Variants in RTTN observed in about 807,000 individuals in gnomAD.
The protein encoded by RTTN is rotatin.
Under a neutral mutation model 269.2 loss-of-function variants are expected in RTTN, and 182 were observed. The observed-to-expected ratio is 0.68, with a 90% CI of 0.60 to 0.76. RTTN has a LOEUF of 0.76. Ranked by LOEUF, RTTN falls within the 30% of genes least tolerant of loss-of-function variation. The pLI, the probability that RTTN is intolerant of heterozygous loss-of-function variation, is 0.00. For synonymous variants in RTTN, 1,006 were observed against 963.5 expected (o/e 1.04, Z -0.82); for missense variants, 2,545 against 2,608.6 (o/e 0.98, Z 0.53).
intron 23 of RTTN, 123 bp from the exon 24 acceptor site, chr18:70,128,669 T>G: frequency 1.5e-6 from 1 of 688,044 alleles, no homozygotes; most frequent in Non-Finnish European, 2.5e-6. Flanking sequence ...AGGTTTCTCT[T>G]AGTCCCTATT....
chr18:70,072,801 C>T (rs1006774328), intron 34 of RTTN, among the ~76,000 whole-genome samples: 5 of 152,072 alleles, frequency 3.3e-5, no homozygotes, highest in Non-Finnish European at 7.4e-5. Context: ...CCAATTAAGA[C>T]AATTCAGTTT....
chr18:70,065,881 C>A lies in RTTN; in HGVS notation c.4695G>T (p.Val1565=). 6.2e-7 allele frequency: 1 copy of A among 1,601,814 alleles called. No homozygotes were observed. The highest frequency in any genetic ancestry group is 8.5e-7 in the Non-Finnish European group (1 of 1,172,988). ...CTTCAGGTAGAAGTGTTGTTGACTG[C>A]ACAAGTGGCTGAAATTCAGTACTCC... is the stretch of plus-strand genomic sequence containing the variant. ...SLGSTEFQPL[V]QSTTLLPEAS... The change falls in exon 35 of 49, where the codon GTG becomes GTT. Residue 1565 remains valine, a synonymous_variant. Transcript: ENST00000640769.
intron 14 of RTTN, among the ~76,000 whole-genome samples, chr18:70,163,865 A>G (rs1180174732): frequency 6.6e-6 from 1 of 152,172 alleles, no homozygotes; most frequent in Non-Finnish European, 1.5e-5. Flanking sequence ...ATATACAGAC[A>G]ATAGATTATT....
chr18:70,006,333 T>C (rs1199186088), intron 47 of RTTN, 48 bp downstream of exon 47: 3 of 1,320,128 alleles, frequency 2.3e-6, no homozygotes, highest in Admixed American at 3.4e-5. Context: ...ACCTGGGTTA[T>C]ACCTTGTTGT....
intron 33 of RTTN, 182 bp downstream of exon 33, chr18:70,075,170 A>G (rs1046905732): frequency 3.2e-5 from 15 of 466,674 alleles, no homozygotes; most frequent in African/African-American, 2.9e-4. Flanking sequence ...CATAAAACAA[A>G]CAAAGGCTAT....
intron 25 of RTTN, among the ~76,000 whole-genome samples, chr18:70,127,263 G>C (rs1044866296): frequency 2.6e-5 from 4 of 152,074 alleles, no homozygotes; most frequent in African/African-American, 7.2e-5. Context: ...ATTTGCTTTT[G>C]TGAGGTAAAA....
chr18:70,188,337 T>A (rs1003629219), intron 9 of RTTN, 114 bp from the exon 10 acceptor site: 1 of 632,340 alleles, frequency 1.6e-6, no homozygotes, highest in Non-Finnish European at 2.8e-6. Flanking sequence ...CATTTTCTCT[T>A]TTTTTCTAAT....
intron 10 of RTTN, among the ~76,000 whole-genome samples, chr18:70,186,169 A>G (rs2061542071): frequency 6.6e-6 from 1 of 152,198 alleles, no homozygotes; most frequent in Admixed American, 6.5e-5. Context: ...ATAACTAGAA[A>G]CAACCCCATT....
At chr18:70,132,819 T>C (rs1475505284) in intron 23 of RTTN, among the ~76,000 whole-genome samples, 1 of 152,056 alleles carries the variant, frequency 6.6e-6, no homozygotes, top group Non-Finnish European at 1.5e-5. Context: ...TATACATCCA[T>C]CAGATGGGCA....
At chr18:70,046,814 G>C (rs943277055) in intron 40 of RTTN, among the ~76,000 whole-genome samples, 1 of 152,176 alleles carries the variant, frequency 6.6e-6, no homozygotes, top group African/African-American at 2.4e-5. Flanking sequence ...GCCTTAACAG[G>C]CTTCTTATCT....
chr18:70,025,956 G>T (rs1298448504), intron 43 of RTTN, among the ~76,000 whole-genome samples: 3 of 152,066 alleles, frequency 2.0e-5, no homozygotes, highest in African/African-American at 7.2e-5. Flanking sequence ...TCCCCAATTT[G>T]CTCATTTCTG....
At position 70,201,970 on chromosome 18, in the gene RTTN, G is replaced by GT. The variant is rs2061964513; in HGVS notation, c.410dup (p.Asn137LysfsTer3). ...GAAAATATCCTGTTAAGATTTCAGGGTTTTTTGACAATTCTGAAAAGGAAA... is the reference window on the plus strand; with the variant it reads ...GAAAATATCCTGTTAAGATTTCAGGGTTTTTTTGACAATTCTGAAAAGGAAA... On this transcript the variant is annotated frameshift_variant, in exon 4 of 49. Coordinates refer to ENST00000640769, the MANE Select transcript of RTTN (RefSeq NM_173630.4). LOFTEE classifies it high-confidence loss of function. The GT allele has an allele frequency of 7.5e-6, 12 of 1,601,646 alleles. No homozygotes were observed. The highest frequency in any genetic ancestry group is 1.3e-5 in the African/African-American group (1 of 74,608).
intron 47 of RTTN, chr18:70,005,570 T>A (rs1178620526): frequency 8.4e-6 from 2 of 237,144 alleles, no homozygotes; most frequent in Non-Finnish European, 1.6e-5. Context: ...CATCCTTGGT[T>A]TCAGTTTTTC....
chr18:70,106,258 T>C (rs753119151), intron 28 of RTTN, among the ~76,000 whole-genome samples: 13 of 152,124 alleles, frequency 8.5e-5, no homozygotes, highest in Non-Finnish European at 1.8e-4. Context: ...GGTGGGAAGA[T>C]CACTTGGGCT....
chr18:70,024,155 C>T (rs934567498), intron 44 of RTTN, among the ~76,000 whole-genome samples: 1 of 152,190 alleles, frequency 6.6e-6, no homozygotes, highest in Non-Finnish European at 1.5e-5. Context: ...CTGTTACACT[C>T]ACATAAAAAT....
At chr18:70,176,250 TG>T (rs2061298021) in intron 11 of RTTN, among the ~76,000 whole-genome samples, 1 of 121,002 alleles carries the variant, frequency 8.3e-6, no homozygotes, top group Admixed American at 8.2e-5. Flanking sequence ...TATATGTATA[TG>T]TATATGTATA....
intron 46 of RTTN, among the ~76,000 whole-genome samples, chr18:70,012,919 A>T (rs1282927674): frequency 1.3e-5 from 2 of 152,208 alleles, no homozygotes; most frequent in Non-Finnish European, 2.9e-5. Flanking sequence ...ACATAATTCA[A>T]TTTTTTTATT....
chr18:70,094,392 A>G (rs2058939214), intron 28 of RTTN, among the ~76,000 whole-genome samples: 1 of 152,080 alleles, frequency 6.6e-6, no homozygotes, highest in African/African-American at 2.4e-5. Context: ...TTGTGATGTT[A>G]GGGTGTCGAT....
Position 70,051,455 on chromosome 18 carries a change from G to A in RTTN, c.5279C>T (p.Pro1760Leu), listed in dbSNP as rs369938294. The A allele has an allele frequency of 3.7e-5, 60 of 1,613,810 alleles. 1 individual carries two copies. The highest frequency in any genetic ancestry group is 1.9e-4 in the African/African-American group (14 of 74,892). The change falls in exon 39 of 49, where the codon CCG (proline) becomes CTG (leucine). Residue 1760 changes from proline (P) to leucine (L), a missense_variant. Coordinates refer to ENST00000640769, the MANE Select transcript of RTTN (RefSeq NM_173630.4). The part of the protein sequence containing the change: ...LLRKAGAITL[P>L]FVTVALAKHW... The stretch of plus-strand genomic sequence containing the variant: ...CTTGGCCAGGGCCACGGTAACAAAC[G>A]GGAGTGTGATGGCACCAGCTTTCCT...
Sources: allele counts gnomAD v4.1 joint callset (sites outside exome capture counted in the v4.1 genomes callset), GRCh38; gene constraint gnomAD v4.1.1; transcripts MANE v1.5; gene names NCBI Gene and HGNC (gene_info 2026-07-23, HGNC 2026-07-21).